The following CADM2 variants were observed in gnomAD, a reference collection of about 807,000 sequenced individuals.
CADM2 encodes the protein immunoglobulin superfamily member 4D.
A neutral mutation model predicts 49.8 loss-of-function variants in CADM2; 12 were observed. That is an observed-to-expected ratio of 0.24 (90% CI 0.15 to 0.39). The LOEUF (loss-of-function observed/expected upper bound fraction) is 0.39. Among genes scored for constraint, CADM2 ranks in the 10% least tolerant of loss-of-function variants. The probability of loss-of-function intolerance (pLI) is 1.00; values close to 1 mark genes in which losing one functional copy is unlikely to be tolerated. For synonymous variants in CADM2, 214 were observed against 175.4 expected, an observed-to-expected ratio of 1.22 and a Z score of -1.74; for missense variants, 378 against 492.3, an observed-to-expected ratio of 0.77 and a Z score of 2.20.
chr3:86,008,093 C>CAA lies in CADM2; in HGVS notation c.970+46447_970+46448dup, dbSNP rs1731012078. 2.6e-5 allele frequency among the ~76,000 whole-genome samples: 4 copies of CAA among 152,160 alleles called. No individual in the cohort carries two copies. In the South Asian group the frequency reaches 8.3e-4, roughly 32 times the overall value. On this transcript the variant is annotated intron_variant, in intron 8 of 9. Transcript: ENST00000383699. ...AGCTAACCACAGCATTCTCAAATAT[C>CAA]AAGTGTAAGCTAATTTGACATGTGA...
chr3:85,741,970 T>C (rs990438898), intron 2 of CADM2, among the ~76,000 whole-genome samples: 1 of 152,178 alleles, frequency 6.6e-6, no homozygotes, highest in Non-Finnish European at 1.5e-5. Context: ...CTTTAGAACT[T>C]CTAGACGGAT....
chr3:85,637,621 A>T (rs5021504), intron 1 of CADM2, among the ~76,000 whole-genome samples: 82,331 of 115,444 alleles, frequency 0.71, 30,807 homozygotes, highest in East Asian at 0.79. Flanking sequence ...AAAAAAAAAA[A>T]AAAATAAAAT....
intron 1 of CADM2, among the ~76,000 whole-genome samples, chr3:85,066,008 A>G (rs554496437): frequency 6.6e-6 from 1 of 152,260 alleles, no homozygotes; most frequent in African/African-American, 2.4e-5. Flanking sequence ...GTTTCACTGG[A>G]GCGTGGATAT....
intron 1 of CADM2, among the ~76,000 whole-genome samples, chr3:85,129,442 TTC>T (rs1361654265): frequency 6.6e-6 from 1 of 152,218 alleles, no homozygotes; most frequent in Non-Finnish European, 1.5e-5. Context: ...CACTTTAATT[TTC>T]TCTTTCTTTC....
chr3:85,002,166 T>G (rs2033495670), intron 1 of CADM2, among the ~76,000 whole-genome samples: 1 of 152,156 alleles, frequency 6.6e-6, no homozygotes, highest in African/African-American at 2.4e-5. Context: ...TGAAATTTTG[T>G]CCCAATTACT....
At chr3:85,310,312 C>T (rs1204772114) in intron 1 of CADM2, among the ~76,000 whole-genome samples, 2 of 152,048 alleles carry the variant, frequency 1.3e-5, no homozygotes, top group Non-Finnish European at 2.9e-5. Context: ...TTGGAGGGCA[C>T]AGGATTTCAT....
rs1231412733 is a variant in CADM2 at position 85,597,791 on chromosome 3, CCT to C, written c.62-128728_62-128727del. On this transcript the variant is annotated intron_variant, in intron 1 of 9. Coordinates refer to ENST00000383699, the MANE Select transcript of CADM2 (RefSeq NM_001167675.2). Reference sequence around the variant, plus strand: ...AGCAAAGTTGATTAGACAGTTTTCCCCTCTTTGATGAAAATGGTACAAACCTA... The same window carrying C: ...AGCAAAGTTGATTAGACAGTTTTCCCCTTTGATGAAAATGGTACAAACCTA... Among the ~76,000 whole-genome samples the C allele has an allele frequency of 2.0e-5, 3 of 152,030 alleles. No homozygotes were observed. In the East Asian group the frequency reaches 5.8e-4, roughly 30 times the overall value.
rs537772555 is a variant in CADM2, at chr3:85,338,110, CA to C, written c.61+378443del. ...CTAAAGTGATATTAACATTCCTTATCAGACTGAATTAATTGCTTGAGTATAG... is the reference window on the plus strand; with the variant it reads ...CTAAAGTGATATTAACATTCCTTATCGACTGAATTAATTGCTTGAGTATAG... On this transcript the variant is annotated intron_variant, in intron 1 of 9. Coordinates refer to ENST00000383699, the MANE Select transcript of CADM2 (RefSeq NM_001167675.2). Among the ~76,000 whole-genome samples, 745 of 151,684 alleles carry C rather than the reference CA, an allele frequency of 4.9e-3. 6 individuals are homozygous for C. Among genetic ancestry groups the C allele is most frequent in the Non-Finnish European group, 7.5e-3 (509 of 67,634 alleles).
At chr3:85,532,354 T>G (rs1415729956) in intron 1 of CADM2, among the ~76,000 whole-genome samples, 1 of 152,210 alleles carries the variant, frequency 6.6e-6, no homozygotes, top group African/African-American at 2.4e-5. Context: ...TAAGCACATG[T>G]ATGACATTTC....
chr3:85,136,673 C>G (rs921329315), intron 1 of CADM2, among the ~76,000 whole-genome samples: 2 of 151,870 alleles, frequency 1.3e-5, no homozygotes, highest in African/African-American at 4.8e-5. Flanking sequence ...TAAAACATTT[C>G]TTAAGCAAGT....
chr3:85,238,480 A>C (rs1251386222), intron 1 of CADM2, among the ~76,000 whole-genome samples: 1 of 152,056 alleles, frequency 6.6e-6, no homozygotes, highest in South Asian at 2.1e-4. Flanking sequence ...CAGCTCCCAG[A>C]GGTTAGAAAA....
intron 6 of CADM2, among the ~76,000 whole-genome samples, chr3:85,925,568 GAA>G (rs1490495201): frequency 5.9e-5 from 9 of 152,280 alleles, no homozygotes; most frequent in African/African-American, 2.2e-4. Flanking sequence ...TGCTGGAACT[GAA>G]AGAGTCCTGT....
At chr3:85,077,018 A>G (rs1307891274) in intron 1 of CADM2, among the ~76,000 whole-genome samples, 1 of 152,204 alleles carries the variant, frequency 6.6e-6, no homozygotes, top group Non-Finnish European at 1.5e-5. Flanking sequence ...GCAATTTTAG[A>G]ATACATTGTA....
chr3:85,525,711 A>G (rs776644788), intron 1 of CADM2, among the ~76,000 whole-genome samples: 6 of 152,034 alleles, frequency 3.9e-5, no homozygotes, highest in Non-Finnish European at 7.4e-5. Context: ...AACTTAATTT[A>G]TTCTCTGTTC....
chr3:86,030,879 C>T (rs906198464), intron 8 of CADM2, among the ~76,000 whole-genome samples: 1 of 151,812 alleles, frequency 6.6e-6, no homozygotes, highest in Non-Finnish European at 1.5e-5. Flanking sequence ...ATGCCAGTTA[C>T]TTTCATCTGC....
At chr3:85,758,147 C>T (rs187471412) in intron 2 of CADM2, among the ~76,000 whole-genome samples, 3 of 152,154 alleles carry the variant, frequency 2.0e-5, no homozygotes, top group South Asian at 2.1e-4. Flanking sequence ...CACAGAGTTC[C>T]GTAAATTAGC....
At chr3:85,811,671 G>A (rs1332196954) in intron 3 of CADM2, among the ~76,000 whole-genome samples, 1 of 152,172 alleles carries the variant, frequency 6.6e-6, no homozygotes, top group African/African-American at 2.4e-5. Flanking sequence ...GGTCAACAAT[G>A]ATTGCAATGA....
chr3:85,310,815 A>G (rs1192957914), intron 1 of CADM2, among the ~76,000 whole-genome samples: 1 of 152,132 alleles, frequency 6.6e-6, no homozygotes, highest in Non-Finnish European at 1.5e-5. Flanking sequence ...CTCAGAGGCT[A>G]TTCTCTCCAA....
intron 8 of CADM2, among the ~76,000 whole-genome samples, chr3:85,964,337 G>C (rs752406744): frequency 3.3e-5 from 5 of 151,672 alleles, no homozygotes; most frequent in Middle Eastern, 6.8e-3. Context: ...CCGTGTCTTT[G>C]ACTCTACCAC....
Sources: gnomAD v4.1 joint callset for allele counts (sites outside exome capture counted in the v4.1 genomes callset) on GRCh38, gnomAD v4.1.1 for gene constraint, MANE v1.5 for transcripts, NCBI Gene and HGNC (gene_info 2026-07-23, HGNC 2026-07-21) for gene names.